Variants in EFCAB11 observed in about 807,000 individuals in gnomAD.
EFCAB11 encodes EF-hand calcium binding domain 11, also known as EF-hand calcium-binding domain-containing protein 11.
Under a neutral mutation model 23.0 loss-of-function variants are expected in EFCAB11, and 14 were observed. That is an observed-to-expected ratio of 0.61 (90% confidence interval 0.40 to 0.95). The LOEUF is 0.95. EFCAB11 is among the 40% of genes least tolerant of loss of function. EFCAB11 has a pLI of 0.00. For missense variants in EFCAB11, 198 were observed against 195.8 expected, an observed-to-expected ratio of 1.01 and a Z score of -0.07; for synonymous variants, 65 against 66.6, an observed-to-expected ratio of 0.98 and a Z score of 0.11.
chr14:89,876,622 C>A (rs1451753359), intron 5 of EFCAB11, among the ~76,000 whole-genome samples: 2 of 151,902 alleles, frequency 1.3e-5, no homozygotes, highest in Non-Finnish European at 1.5e-5. Flanking sequence ...GTTGGGGTCA[C>A]AAGAAAAAAG....
At chr14:89,829,460 T>C (rs1018047325) in intron 5 of EFCAB11, among the ~76,000 whole-genome samples, 2 of 152,232 alleles carry the variant, frequency 1.3e-5, no homozygotes, top group Non-Finnish European at 2.9e-5. Context: ...ACCAATAGGC[T>C]GTGTTTGAGA....
chr14:89,875,874 GC>G (rs1015455976), intron 5 of EFCAB11, among the ~76,000 whole-genome samples: 9 of 152,180 alleles, frequency 5.9e-5, no homozygotes, highest in Non-Finnish European at 1.3e-4. Flanking sequence ...GAAAGGGCAT[GC>G]AGGCAGAGTG....
intron 5 of EFCAB11, chr14:89,833,129 T>G (rs1441535390): frequency 1.3e-5 from 2 of 151,392 alleles, no homozygotes; most frequent in Non-Finnish European, 3.0e-5. Context: ...TCTTGACTTT[T>G]TATTTAATTT....
chr14:89,895,712 G>A (rs1043544381), intron 5 of EFCAB11, among the ~76,000 whole-genome samples: 1 of 152,166 alleles, frequency 6.6e-6, no homozygotes. Flanking sequence ...GAAAATATAG[G>A]TAATAGGTCT....
chr14:89,859,490 T>C (rs1350076122), intron 5 of EFCAB11, among the ~76,000 whole-genome samples: 1 of 152,230 alleles, frequency 6.6e-6, no homozygotes, highest in South Asian at 2.1e-4. Flanking sequence ...TAGGAATGTA[T>C]AGGCCTGTTC....
intron 5 of EFCAB11, among the ~76,000 whole-genome samples, chr14:89,806,434 C>T (rs560198514): frequency 1.4e-4 from 21 of 152,200 alleles, no homozygotes; most frequent in African/African-American, 4.6e-4. Flanking sequence ...GGGATATGAT[C>T]GTGTTTCTAA....
In EFCAB11 at chr14:89,814,421, C is replaced by T. The variant is rs186135611; in HGVS notation, c.411-17097G>A. On this transcript the variant is annotated intron_variant, in intron 5 of 5. Transcript: ENST00000316738. Reference sequence around the variant, plus strand: ...TCAAGGGACTTTAAAAATCACCCAGCAGGCCGGGAGCAGTGGCTCATGCCT... The same window carrying T: ...TCAAGGGACTTTAAAAATCACCCAGTAGGCCGGGAGCAGTGGCTCATGCCT... Among the ~76,000 whole-genome samples, 56 of 152,208 alleles carry T rather than the reference C, an allele frequency of 3.7e-4. No homozygotes were observed. In the East Asian group the frequency reaches 8.9e-3, roughly 24 times the overall value.
intron 3 of EFCAB11, among the ~76,000 whole-genome samples, chr14:89,940,255 C>T (rs1344919129): frequency 6.6e-6 from 1 of 152,160 alleles, no homozygotes; most frequent in African/African-American, 2.4e-5. Flanking sequence ...TAGAAAAGAA[C>T]TAAGAAGCCA....
At chr14:89,827,693 G>A (rs964420374) in intron 5 of EFCAB11, among the ~76,000 whole-genome samples, 6 of 148,040 alleles carry the variant, frequency 4.1e-5, no homozygotes, top group African/African-American at 1.5e-4. Flanking sequence ...GAGCGCAATG[G>A]TGCAATCTTG....
At position 89,836,466 on chromosome 14, in the gene EFCAB11, T is replaced by A. The variant is rs1887082319; in HGVS notation, c.411-39142A>T. On this transcript the variant is annotated intron_variant, in intron 5 of 5. Transcript: ENST00000316738. ...CTGAGGGTCTGCCCAGAGTGGTTGT[T>A]TGAAGGGGATGTGGATTAAGCATGG... 4 of 435,536 alleles carry A rather than the reference T, an allele frequency of 9.2e-6. No homozygotes were observed. The Admixed American group carries it at 9.8e-5, about 11-fold the overall frequency. The allele number at this position is 435,536 out of a possible 1,614,324, so 27.0% of individuals were successfully genotyped here.
chr14:89,867,167 A>G (rs1888117462), intron 5 of EFCAB11, among the ~76,000 whole-genome samples: 1 of 152,246 alleles, frequency 6.6e-6, no homozygotes, highest in South Asian at 2.1e-4. Flanking sequence ...CCTCACCATC[A>G]GCAAATAGGA....
At chr14:89,830,767 GC>G (rs1380232281) in intron 5 of EFCAB11, 1 of 152,126 alleles carries the variant, frequency 6.6e-6, no homozygotes, top group Non-Finnish European at 1.5e-5. Flanking sequence ...AATGAAACTG[GC>G]AAAAAATTTC....
rs114530377 is a variant in EFCAB11, at chr14:89,846,133, T to A, written c.411-48809A>T. 8.9e-3 allele frequency among the ~76,000 whole-genome samples: 1,363 copies of A among 152,298 alleles called. 14 individuals are homozygous for A. The highest frequency in any genetic ancestry group is 0.035 in the South Asian group (167 of 4,822). ...TAAGTGTATAAAGAGATAATCCACA[T>A]AAAGTGCTTAGCGCAGTGGCTAGCA... On this transcript the variant is annotated intron_variant, in intron 5 of 5. Coordinates refer to ENST00000316738, the MANE Select transcript of EFCAB11 (RefSeq NM_145231.4).
rs541371841 is a variant in EFCAB11 at position 89,912,960 on chromosome 14, C to T, written c.410+18581G>A. 3.1e-3 allele frequency among the ~76,000 whole-genome samples: 476 copies of T among 152,316 alleles called. 3 individuals carry two copies. Among genetic ancestry groups the T allele is most frequent in the Non-Finnish European group, 5.0e-3 (339 of 68,028 alleles). ...GCTGTACTCAGAGCTGGTTTATTTT[C>T]CTGTTACTGTATAATTATGGAAAAG... is the stretch of plus-strand genomic sequence containing the variant. On this transcript the variant is annotated intron_variant, in intron 5 of 5. Coordinates refer to ENST00000316738, the MANE Select transcript of EFCAB11 (RefSeq NM_145231.4).
In EFCAB11 at chr14:89,797,910, G is replaced by A. The variant is rs1363996395; in HGVS notation, c.411-586C>T. On this transcript the variant is annotated intron_variant, in intron 5 of 5. Coordinates refer to ENST00000316738, the MANE Select transcript of EFCAB11 (RefSeq NM_145231.4). ...ATCACGCCACTGCACTCCAGCCTGGGTGACAGAGCAAGACTCCATCTCAAT... is the reference window on the plus strand; with the variant it reads ...ATCACGCCACTGCACTCCAGCCTGGATGACAGAGCAAGACTCCATCTCAAT... Among the ~76,000 whole-genome samples, 4 of 152,122 alleles carry A rather than the reference G, an allele frequency of 2.6e-5. No individual in the cohort carries two copies. In the South Asian group the frequency reaches 8.3e-4, roughly 31 times the overall value.
chr14:89,889,811 T>G (rs1037017714), intron 5 of EFCAB11, among the ~76,000 whole-genome samples: 1 of 152,244 alleles, frequency 6.6e-6, no homozygotes, highest in Non-Finnish European at 1.5e-5. Context: ...GGTCACAGCT[T>G]ACTATTGGGG....
chr14:89,892,322 C>A, intron 5 of EFCAB11: 1 of 1,613,876 alleles, frequency 6.2e-7, no homozygotes, highest in South Asian at 1.1e-5. Flanking sequence ...TGCTATCCAG[C>A]AGGCCCTGCA....
At chr14:89,873,446 T>C (rs1028119558) in intron 5 of EFCAB11, among the ~76,000 whole-genome samples, 2 of 152,130 alleles carry the variant, frequency 1.3e-5, no homozygotes, top group Non-Finnish European at 2.9e-5. Context: ...GTCTTCACAT[T>C]TCAAAACCAA....
chr14:89,834,077 G>A (rs1033694598), intron 5 of EFCAB11, among the ~76,000 whole-genome samples: 2 of 151,998 alleles, frequency 1.3e-5, no homozygotes, highest in Admixed American at 6.6e-5. Flanking sequence ...GTTTGTGGCC[G>A]TGTGTGGTGG....
Sources: allele counts gnomAD v4.1 joint callset (sites outside exome capture counted in the v4.1 genomes callset), GRCh38; gene constraint gnomAD v4.1.1; transcripts MANE v1.5; gene names NCBI Gene and HGNC (gene_info 2026-07-23, HGNC 2026-07-21).